Variants in CAAP1 observed in about 807,000 individuals in gnomAD.
CAAP1 encodes the protein caspase activity and apoptosis inhibitor 1.
Under a neutral mutation model 34.0 loss-of-function variants are expected in CAAP1, and 20 were observed. That is an observed-to-expected ratio of 0.59 (90% CI 0.41 to 0.86). The LOEUF is 0.86. Among genes scored for constraint, CAAP1 ranks in the 40% least tolerant of loss-of-function variants. The pLI, the probability that CAAP1 is intolerant of heterozygous loss-of-function variation, is 0.00. For synonymous variants in CAAP1, 213 were observed against 166.7 expected, an observed-to-expected ratio of 1.28 and a Z score of -2.14; for missense variants, 538 against 450.5, an observed-to-expected ratio of 1.19 and a Z score of -1.76.
intron 4 of CAAP1, among the ~76,000 whole-genome samples, chr9:26,869,205 A>G (rs1015017233): frequency 1.6e-4 from 25 of 152,078 alleles, no homozygotes; most frequent in African/African-American, 5.5e-4. Context: ...AAAAAAAATA[A>G]ATAAACCAAA....
rs1239008792 is a variant in CAAP1, at chr9:26,841,631, G to T, written c.*670C>A. ...GAAAACTTGTTCCATTTTTATTAAA[G>T]AAAAAACCTAGAATAATGCATCCAA... is the stretch of plus-strand genomic sequence containing the variant. On this transcript the variant is annotated 3_prime_UTR_variant, in exon 6 of 6. Transcript: ENST00000333916. The T allele has an allele frequency of 6.6e-6, 1 of 152,424 alleles. No individual in the cohort carries two copies. Among genetic ancestry groups the T allele is most frequent in the African/African-American group, 2.4e-5 (1 of 41,402 alleles). 9.4% of individuals were successfully genotyped at this position (152,424 alleles called of 1,614,324 possible).
intron 4 of CAAP1, among the ~76,000 whole-genome samples, chr9:26,878,516 C>G (rs1011347588): frequency 1.3e-5 from 2 of 152,188 alleles, no homozygotes; most frequent in Non-Finnish European, 2.9e-5. Context: ...AGACAGGAAA[C>G]AGCTGGCCCA....
chr9:26,847,787 CTTTG>C (rs1241921298), intron 5 of CAAP1, among the ~76,000 whole-genome samples: 3 of 150,048 alleles, frequency 2.0e-5, no homozygotes, highest in Non-Finnish European at 4.4e-5. Context: ...TTTTTTTTCC[CTTTG>C]TTTATTCCCT....
chr9:26,889,084 G>A (rs1384786632), intron 1 of CAAP1, among the ~76,000 whole-genome samples: 7 of 152,124 alleles, frequency 4.6e-5, no homozygotes, highest in Non-Finnish European at 2.9e-5. Flanking sequence ...TAAACTAAAC[G>A]TTACACATAA....
intron 4 of CAAP1, among the ~76,000 whole-genome samples, chr9:26,865,158 A>G (rs183005791): frequency 1.5e-3 from 232 of 152,344 alleles, no homozygotes; most frequent in African/African-American, 5.3e-3. Flanking sequence ...TTTCTCCTAA[A>G]TGATTTTTGT....
chr9:26,871,123 G>T (rs1326913678), intron 4 of CAAP1, among the ~76,000 whole-genome samples: 3 of 152,110 alleles, frequency 2.0e-5, no homozygotes, highest in Non-Finnish European at 2.9e-5. Flanking sequence ...TCATTTGGCT[G>T]AACACCATTG....
At chr9:26,861,895 T>C (rs951479332) in intron 4 of CAAP1, among the ~76,000 whole-genome samples, 1 of 152,314 alleles carries the variant, frequency 6.6e-6, no homozygotes, top group African/African-American at 2.4e-5. Context: ...GTCTGTTCAT[T>C]AACAGTAACA....
intron 4 of CAAP1, among the ~76,000 whole-genome samples, chr9:26,862,113 T>C (rs964148114): frequency 1.3e-5 from 2 of 152,204 alleles, no homozygotes; most frequent in African/African-American, 4.8e-5. Context: ...TCTCAGTGTT[T>C]TATACTTCTG....
intron 4 of CAAP1, among the ~76,000 whole-genome samples, chr9:26,864,549 G>A (rs1049346201): frequency 6.6e-6 from 1 of 152,042 alleles, no homozygotes; most frequent in Non-Finnish European, 1.5e-5. Flanking sequence ...ACCACACCCC[G>A]GTGCTTTTTC....
chr9:26,882,530 C>G (rs1046899862), intron 4 of CAAP1, among the ~76,000 whole-genome samples: 1 of 152,202 alleles, frequency 6.6e-6, no homozygotes, highest in African/African-American at 2.4e-5. Flanking sequence ...CATGTCCAGG[C>G]AGAAGTTAGC....
rs775464468 is a variant in CAAP1 at position 26,892,680 on chromosome 9, G to C, written c.36C>G (p.Arg12=). 6.2e-7 allele frequency: 1 copy of C among 1,604,922 alleles called. No homozygotes were observed. The change falls in exon 1 of 6, where the codon CGC becomes CGG. Residue 12 remains arginine, a synonymous_variant. Coordinates refer to ENST00000333916, the MANE Select transcript of CAAP1 (RefSeq NM_024828.4). The part of the protein sequence containing the change: ...TGKKSSREKR[R]KRSSQEAAAA... ...CGGCCGCCTCCTGACTGCTACGTTT[G>C]CGCCGTTTCTCCCGGGAGGACTTTT...
intron 1 of CAAP1, chr9:26,892,199 C>T (rs1424173573): frequency 1.1e-5 from 15 of 1,325,730 alleles, no homozygotes; most frequent in Non-Finnish European, 1.5e-5. Flanking sequence ...AAAAAGTGAT[C>T]AGGAAATCCA....
intron 1 of CAAP1, among the ~76,000 whole-genome samples, chr9:26,890,772 C>T (rs1027235287): frequency 1.3e-5 from 2 of 152,128 alleles, no homozygotes; most frequent in Non-Finnish European, 2.9e-5. Flanking sequence ...GGTGAAACCC[C>T]GTCTCTACTG....
chr9:26,847,096 CT>C (rs1232619062), intron 5 of CAAP1, among the ~76,000 whole-genome samples: 1 of 147,162 alleles, frequency 6.8e-6, no homozygotes. Context: ...ACTTTTTTGA[CT>C]TAAAAATATA....
chr9:26,891,415 T>A (rs1319996848), intron 1 of CAAP1, among the ~76,000 whole-genome samples: 1 of 152,216 alleles, frequency 6.6e-6, no homozygotes, highest in East Asian at 1.9e-4. Flanking sequence ...CTGTTTGGAC[T>A]ATAAATCTGT....
Position 26,841,602 on chromosome 9 carries a change from A to G in CAAP1, c.*699T>C, listed in dbSNP as rs1191495778. 1 of 152,618 alleles carries G rather than the reference A, an allele frequency of 6.6e-6. No homozygotes were observed. Among genetic ancestry groups the G allele is most frequent in the Non-Finnish European group, 1.5e-5 (1 of 68,006 alleles). 9.5% of individuals were successfully genotyped at this position (152,618 alleles called of 1,614,324 possible). ...TTCATTTCCTGACAGCTTGGAATGT[A>G]AATGAAAACTTGTTCCATTTTTATT... On this transcript the variant is annotated 3_prime_UTR_variant, in exon 6 of 6. Transcript: ENST00000333916.
In CAAP1 at chr9:26,874,077, G is replaced by C. The variant is rs1823355303; in HGVS notation, c.665+10733C>G. ...AAAAAATTAGCCGGATGTGGTGGCAGGCACCTGTGGTCCCAGCTGCTCGGG... is the reference window on the plus strand; with the variant it reads ...AAAAAATTAGCCGGATGTGGTGGCACGCACCTGTGGTCCCAGCTGCTCGGG... On this transcript the variant is annotated intron_variant, in intron 4 of 5. Coordinates refer to ENST00000333916, the MANE Select transcript of CAAP1 (RefSeq NM_024828.4). Among the ~76,000 whole-genome samples the C allele has an allele frequency of 3.3e-5, 5 of 151,584 alleles. No individual in the cohort carries two copies. The South Asian group carries it at 1.0e-3, about 32-fold the overall frequency.
At chr9:26,856,549 TC>T (rs1438072285) in intron 5 of CAAP1, among the ~76,000 whole-genome samples, 1 of 152,186 alleles carries the variant, frequency 6.6e-6, no homozygotes, top group Non-Finnish European at 1.5e-5. Context: ...AACTAGAAGA[TC>T]AAGGCCAAAC....
intron 4 of CAAP1, among the ~76,000 whole-genome samples, chr9:26,868,981 G>A (rs995250173): frequency 2.6e-5 from 4 of 152,190 alleles, no homozygotes; most frequent in African/African-American, 7.2e-5. Flanking sequence ...TGCTAATTAC[G>A]TTAAGTGTTA....
Sources: allele counts gnomAD v4.1 joint callset (sites outside exome capture counted in the v4.1 genomes callset), GRCh38; gene constraint gnomAD v4.1.1; transcripts MANE v1.5; gene names NCBI Gene and HGNC (gene_info 2026-07-23, HGNC 2026-07-21).